HERC2: variants seen among roughly 807,000 people sequenced by gnomAD.
HERC2 encodes the protein HECT and RLD domain containing E3 ubiquitin protein ligase 2.
Under a neutral mutation model 537.7 loss-of-function variants are expected in HERC2, and 102 were observed. The ratio of observed to expected loss-of-function variants is 0.19; its 90% confidence interval spans 0.16 to 0.22. The LOEUF (loss-of-function observed/expected upper bound fraction) is 0.22, where lower values mean the gene tolerates loss of function less well. HERC2 is among the 10% of genes least tolerant of loss of function. The probability of loss-of-function intolerance (pLI) is 1.00; values close to 1 mark genes in which losing one functional copy is unlikely to be tolerated. For synonymous variants in HERC2, 2,224 were observed against 2,466.2 expected, an observed-to-expected ratio of 0.90 and a Z score of 2.91; for missense variants, 4,236 against 6,198.2, an observed-to-expected ratio of 0.68 and a Z score of 10.63.
chr15:28,202,052 A>G lies in HERC2; in HGVS notation c.7617+61T>C, dbSNP rs1596209453. Reference sequence around the variant, plus strand: ...GGGACAGAGAAAGCCAAGGTGTAAGACTGTTAGAGCGCTAGACGGACAGCG... The same window carrying G: ...GGGACAGAGAAAGCCAAGGTGTAAGGCTGTTAGAGCGCTAGACGGACAGCG... On this transcript the variant is annotated intron_variant, in intron 47 of 92. Coordinates refer to ENST00000261609, the MANE Select transcript of HERC2 (RefSeq NM_004667.6). 2.5e-5 allele frequency: 23 copies of G among 933,542 alleles called. No individual in the cohort carries two copies. In the East Asian group the frequency reaches 5.6e-4, roughly 23 times the overall value. The allele number at this position is 933,542 out of a possible 1,614,324, so 57.8% of individuals were successfully genotyped here. A position where few individuals can be genotyped will look rare whatever the true frequency, so the allele number is the denominator to read the frequency against.
chr15:28,135,315 T>C (rs1890524421), intron 79 of HERC2, among the ~76,000 whole-genome samples, 163 bp downstream of exon 79: 1 of 152,250 alleles, frequency 6.6e-6, no homozygotes, highest in African/African-American at 2.4e-5. Flanking sequence ...GCCTTCGTAT[T>C]GGAACATAAA....
intron 2 of HERC2, among the ~76,000 whole-genome samples, chr15:28,303,255 T>C (rs1246877471): frequency 6.6e-6 from 1 of 152,248 alleles, no homozygotes; most frequent in Non-Finnish European, 1.5e-5. Context: ...CATTTATCAA[T>C]GAGGCTATCC....
At chr15:28,230,821 T>C (rs1048892426) in intron 30 of HERC2, among the ~76,000 whole-genome samples, 4 of 152,148 alleles carry the variant, frequency 2.6e-5, no homozygotes, top group African/African-American at 9.6e-5. Flanking sequence ...TCTGCTGCTG[T>C]AGCACAAAAA....
At chr15:28,135,829 T>C in intron 78 of HERC2, 137 bp from the exon 79 acceptor site, 1 of 654,702 alleles carries the variant, frequency 1.5e-6, no homozygotes, top group Admixed American at 3.1e-5. Context: ...ATCTCAGGAA[T>C]ATAAGTTTAT....
At chr15:28,270,476 C>T (rs557407000) in intron 10 of HERC2, among the ~76,000 whole-genome samples, 4 of 152,106 alleles carry the variant, frequency 2.6e-5, no homozygotes, top group Admixed American at 6.5e-5. Context: ...ACCTGGAACC[C>T]GGGCCCCCAG....
chr15:28,273,343 A>C (rs2075790996), intron 7 of HERC2, among the ~76,000 whole-genome samples: 1 of 152,232 alleles, frequency 6.6e-6, no homozygotes, highest in South Asian at 2.1e-4. Flanking sequence ...GACGTATAAG[A>C]CTATACCAGT....
rs928958849 is a variant in HERC2 at position 28,113,502 on chromosome 15, T to C, written c.14019+71A>G. The C allele has an allele frequency of 8.2e-6, 11 of 1,342,582 alleles. No individual in the cohort carries two copies. Among genetic ancestry groups the C allele is most frequent in the African/African-American group, 2.9e-5 (2 of 69,544 alleles). 83.2% of individuals were successfully genotyped at this position (1,342,582 alleles called of 1,614,324 possible). A position where few individuals can be genotyped will look rare whatever the true frequency, so the allele number is the denominator to read the frequency against. Reference sequence around the variant, plus strand: ...CACAGGGCAAGGTTCTGACTCTAACTGCTGTCACTGATTTGTGGGTCAGCA... The same window carrying C: ...CACAGGGCAAGGTTCTGACTCTAACCGCTGTCACTGATTTGTGGGTCAGCA... On this transcript the variant is annotated intron_variant, in intron 91 of 92. Coordinates refer to ENST00000261609, the MANE Select transcript of HERC2 (RefSeq NM_004667.6). This position sits in a 1 kb window ranked among gnomAD's most constrained non-coding sequence, Gnocchi z 7.0.
chr15:28,300,787 C>A (rs2525952), intron 2 of HERC2, among the ~76,000 whole-genome samples: 1 of 96,052 alleles, frequency 1.0e-5, no homozygotes, highest in East Asian at 4.9e-4. Context: ...TATGTCACTG[C>A]GCTCCAGCCT....
At chr15:28,308,412 C>T (rs1390261080) in intron 2 of HERC2, among the ~76,000 whole-genome samples, 1 of 152,228 alleles carries the variant, frequency 6.6e-6, no homozygotes, top group East Asian at 1.9e-4. Flanking sequence ...TCGTATACTG[C>T]AATTGTATTG....
chr15:28,116,122 C>T (rs1465245799), intron 88 of HERC2, among the ~76,000 whole-genome samples: 1 of 152,218 alleles, frequency 6.6e-6, no homozygotes, highest in African/African-American at 2.4e-5. Flanking sequence ...CGGTCCACCA[C>T]CGTCAGGCCC....
chr15:28,170,250 A>G (rs1459538633), intron 65 of HERC2, among the ~76,000 whole-genome samples: 1 of 152,242 alleles, frequency 6.6e-6, no homozygotes, highest in Non-Finnish European at 1.5e-5. Context: ...AAATAGAAAA[A>G]TAAGGAGGAG....
At position 28,113,374 on chromosome 15, in the gene HERC2, T is replaced by C. The variant is rs1395263438; in HGVS notation, c.14020-91A>G. 2.9e-6 allele frequency: 4 copies of C among 1,364,058 alleles called. No individual in the cohort carries two copies. The highest frequency in any genetic ancestry group is 4.1e-6 in the Non-Finnish European group (4 of 972,466). The allele number at this position is 1,364,058 out of a possible 1,614,324, so 84.5% of individuals were successfully genotyped here. A position where few individuals can be genotyped will look rare whatever the true frequency, so the allele number is the denominator to read the frequency against. ...CACGCTCCCTCTCTACACCAAGGCC[T>C]GTTTGGGGTGGGGAAAGGTCTGGGG... is the stretch of plus-strand genomic sequence containing the variant. On this transcript the variant is annotated intron_variant, in intron 91 of 92. Transcript: ENST00000261609. This position sits in a 1 kb window ranked among gnomAD's most constrained non-coding sequence, Gnocchi z 7.0.
At chr15:28,123,563 G>A (rs1044966813) in intron 85 of HERC2, among the ~76,000 whole-genome samples, 1 of 152,082 alleles carries the variant, frequency 6.6e-6, no homozygotes, top group African/African-American at 2.4e-5. Flanking sequence ...TTCTCACTTG[G>A]CCAGCAATCT....
Position 28,203,591 on chromosome 15 carries a change from G to A in HERC2, c.7213-977C>T, listed in dbSNP as rs535869846. On this transcript the variant is annotated intron_variant, in intron 45 of 92. Transcript: ENST00000261609. Reference sequence around the variant, plus strand: ...CACTGGAGAACAGCTGACGCAATCAGCAATAAAACGAGTACAACCCCTGAC... The same window carrying A: ...CACTGGAGAACAGCTGACGCAATCAACAATAAAACGAGTACAACCCCTGAC... 74 of 152,172 alleles carry A rather than the reference G, an allele frequency of 4.9e-4. 1 individual carries two copies. The highest frequency in any genetic ancestry group is 1.7e-3 in the African/African-American group (69 of 41,454). The allele number at this position is 152,172 out of a possible 1,614,324, so 9.4% of individuals were successfully genotyped here. A position where few individuals can be genotyped will look rare whatever the true frequency, so the allele number is the denominator to read the frequency against.
chr15:28,304,838 C>G (rs1465221256), intron 2 of HERC2, among the ~76,000 whole-genome samples: 6 of 132,618 alleles, frequency 4.5e-5, no homozygotes, highest in African/African-American at 1.7e-4. Flanking sequence ...TTAGGTATAT[C>G]TCCCAATGCT....
chr15:28,162,697 G>A (rs966312428), intron 69 of HERC2, among the ~76,000 whole-genome samples: 2 of 152,106 alleles, frequency 1.3e-5, no homozygotes, highest in Admixed American at 6.5e-5. Context: ...AGACCATCCT[G>A]GCTAACATGG....
chr15:28,150,971 C>T (rs1199722633), intron 70 of HERC2, among the ~76,000 whole-genome samples: 3 of 152,226 alleles, frequency 2.0e-5, no homozygotes, highest in East Asian at 1.9e-4. Flanking sequence ...TCAGACCCCA[C>T]GAGGACCAGT....
At chr15:28,301,769 ATATATATATATGGGT>A (rs2076640444) in intron 2 of HERC2, among the ~76,000 whole-genome samples, 1 of 108,644 alleles carries the variant, frequency 9.2e-6, no homozygotes, top group East Asian at 2.3e-4. Context: ...ATATATATAT[ATATATATATATGGGT>A]TATATATTCT....
chr15:28,228,417 G>C lies in HERC2; in HGVS notation c.5273-8C>G. The C allele has an allele frequency of 6.2e-7, 1 of 1,611,614 alleles. No homozygotes were observed. Among genetic ancestry groups the C allele is most frequent in the Non-Finnish European group, 8.5e-7 (1 of 1,179,504 alleles). ...GGGGAACCGGCTGGATACCTAATGA[G>C]CATTGGCACCTACTGACATTTCTTG... On this transcript the variant is annotated splice_region_variant and splice_polypyrimidine_tract_variant and intron_variant, in intron 34 of 92. Transcript: ENST00000261609.
Sources: gnomAD v4.1 joint callset for allele counts (sites outside exome capture counted in the v4.1 genomes callset) on GRCh38, gnomAD v4.1.1 for gene constraint, Gnocchi (gnomAD v3.1) non-coding constraint, MANE v1.5 for transcripts, NCBI Gene and HGNC (gene_info 2026-07-23, HGNC 2026-07-21) for gene names.